The following CCDC141 variants were observed in gnomAD, a reference collection of about 807,000 sequenced individuals.
CCDC141 encodes coiled-coil domain containing 141.
In CCDC141, 168 loss-of-function variants were observed where a neutral mutation model predicts 181.0. That is an observed-to-expected ratio of 0.93 (90% confidence interval 0.82 to 1.05). The LOEUF (loss-of-function observed/expected upper bound fraction) is 1.05, where lower values mean the gene tolerates loss of function less well. Ranked by LOEUF, CCDC141 falls within the 50% of genes least tolerant of loss-of-function variation. CCDC141 has a pLI of 0.00. For missense variants in CCDC141, 1,902 were observed against 1,788.5 expected (o/e 1.06, Z -1.14); for synonymous variants, 666 against 642.3 (o/e 1.04, Z -0.56).
At chr2:178,915,389 T>C (rs954765407) in intron 7 of CCDC141, among the ~76,000 whole-genome samples, 2 of 152,206 alleles carry the variant, frequency 1.3e-5, no homozygotes, top group Non-Finnish European at 2.9e-5. Context: ...AAAAATCATA[T>C]ATTTCACTTT....
At chr2:178,979,374 T>TA (rs1182028570) in intron 2 of CCDC141, among the ~76,000 whole-genome samples, 1 of 151,678 alleles carries the variant, frequency 6.6e-6, no homozygotes, top group Non-Finnish European at 1.5e-5. Context: ...AATATCAACA[T>TA]AAAAAGGAAC....
At position 178,832,472 on chromosome 2, in the gene CCDC141, A is replaced by C. The variant is rs1428532142; in HGVS notation, c.*1701T>G. ...GAGAGCAAGACTCTTTCTCAAAAAA[A>C]AAAAAAAAAAACAAAAAAAACAAAA... On this transcript the variant is annotated 3_prime_UTR_variant, in exon 24 of 24. Transcript: ENST00000443758. 5 of 148,250 alleles carry C rather than the reference A, an allele frequency of 3.4e-5. No individual in the cohort carries two copies. The highest frequency in any genetic ancestry group is 1.0e-4 in the African/African-American group (4 of 39,670). The allele number at this position is 148,250 out of a possible 1,614,324, so 9.2% of individuals were successfully genotyped here. A position where few individuals can be genotyped will look rare whatever the true frequency, so the allele number is the denominator to read the frequency against.
At chr2:179,000,538 C>A (rs897628023) in intron 2 of CCDC141, among the ~76,000 whole-genome samples, 2 of 152,094 alleles carry the variant, frequency 1.3e-5, no homozygotes, top group African/African-American at 4.8e-5. Context: ...TATTATGAGT[C>A]CTTTGTTTTC....
chr2:178,984,341 G>C (rs939904646), intron 2 of CCDC141, among the ~76,000 whole-genome samples: 2,389 of 151,442 alleles, frequency 0.016, 56 homozygotes, highest in African/African-American at 0.055. Context: ...GGAACAACCA[G>C]TACCAGCCGC....
chr2:179,013,581 C>A (rs1457344600), intron 2 of CCDC141, among the ~76,000 whole-genome samples: 2 of 152,030 alleles, frequency 1.3e-5, no homozygotes, highest in Non-Finnish European at 2.9e-5. Flanking sequence ...ATCAAAATAC[C>A]AGCATCATTC....
At chr2:178,863,684 C>T (rs1232907945) in intron 17 of CCDC141, among the ~76,000 whole-genome samples, 2 of 152,046 alleles carry the variant, frequency 1.3e-5, no homozygotes, top group Admixed American at 6.5e-5. Context: ...GGTGTGCACA[C>T]GCACTACATG....
chr2:178,881,256 G>A (rs1251738757), intron 11 of CCDC141, among the ~76,000 whole-genome samples: 1 of 152,176 alleles, frequency 6.6e-6, no homozygotes, highest in Non-Finnish European at 1.5e-5. Context: ...CTGAGGCTGG[G>A]GGTGGGAGCC....
intron 7 of CCDC141, 58 bp downstream of exon 7, chr2:178,918,655 T>C (rs1306615751): frequency 2.0e-5 from 28 of 1,390,704 alleles, no homozygotes; most frequent in Non-Finnish European, 2.4e-5. Context: ...GTTGAAGTAA[T>C]GGGTCTTTTA....
At chr2:179,048,295 T>C (rs1374664827) in intron 1 of CCDC141, among the ~76,000 whole-genome samples, 1 of 152,200 alleles carries the variant, frequency 6.6e-6, no homozygotes, top group Non-Finnish European at 1.5e-5. Flanking sequence ...TTCCATTCCA[T>C]TAAGGTGGAC....
Position 179,020,762 on chromosome 2 carries a change from T to C in CCDC141, c.225+26522A>G, listed in dbSNP as rs147801443. Among the ~76,000 whole-genome samples, 481 of 152,304 alleles carry C rather than the reference T, an allele frequency of 3.2e-3. 4 individuals are homozygous for C. The highest frequency in any genetic ancestry group is 0.011 in the African/African-American group (457 of 41,578). On this transcript the variant is annotated intron_variant, in intron 2 of 23. Coordinates refer to ENST00000443758, the MANE Select transcript of CCDC141 (RefSeq NM_173648.4). ...AGTAAGTATGCATGCATTTATGTAA[T>C]GTTAATTATTCTAATCTAGTTTTAT...
At chr2:178,984,564 G>C (rs1486803773) in intron 2 of CCDC141, among the ~76,000 whole-genome samples, 1 of 150,442 alleles carries the variant, frequency 6.6e-6, no homozygotes, top group Non-Finnish European at 1.5e-5. Context: ...CTGTATTCAG[G>C]AAACCCATCT....
chr2:178,837,631 C>T lies in CCDC141; in HGVS notation c.3588G>A (p.Leu1196=), dbSNP rs376616700. 40 of 1,613,934 alleles carry T rather than the reference C, an allele frequency of 2.5e-5. No homozygotes were observed. Among genetic ancestry groups the T allele is most frequent in the Non-Finnish European group, 3.4e-5 (40 of 1,179,968 alleles). The stretch of plus-strand genomic sequence containing the variant: ...CTTCCCCTGAGAGCATGTCTTCAGG[C>T]AGGAGCAGGTCCTGGACGCCACCCT... ...DKEGGVQDLL[L]PEDMLSGEEY... The change falls in exon 23 of 24, where the codon CTG becomes CTA. Residue 1196 remains leucine, a synonymous_variant. Transcript: ENST00000443758.
chr2:178,862,778 C>T (rs1685677745), intron 17 of CCDC141, among the ~76,000 whole-genome samples: 1 of 152,188 alleles, frequency 6.6e-6, no homozygotes, highest in Non-Finnish European at 1.5e-5. Context: ...CACAAACTAT[C>T]ATTCGTTGTC....
intron 5 of CCDC141, among the ~76,000 whole-genome samples, chr2:178,948,149 C>G (rs560443432): frequency 6.6e-6 from 1 of 151,672 alleles, no homozygotes; most frequent in African/African-American, 2.4e-5. Flanking sequence ...TGCAATGAGC[C>G]AAGATCATGC....
intron 8 of CCDC141, among the ~76,000 whole-genome samples, chr2:178,901,038 G>A (rs1163309391): frequency 1.3e-5 from 2 of 152,114 alleles, no homozygotes; most frequent in Non-Finnish European, 2.9e-5. Flanking sequence ...TGAGAAGACA[G>A]GAACCAGGCT....
At chr2:178,959,312 A>G (rs1690295988) in intron 5 of CCDC141, among the ~76,000 whole-genome samples, 1 of 152,068 alleles carries the variant, frequency 6.6e-6, no homozygotes, top group Non-Finnish European at 1.5e-5. Context: ...AATAAAAATA[A>G]AAAATAAAAC....
chr2:178,947,049 A>T (rs542224638), intron 5 of CCDC141, among the ~76,000 whole-genome samples: 3 of 152,314 alleles, frequency 2.0e-5, no homozygotes, highest in African/African-American at 4.8e-5. Context: ...AGACTCTTCG[A>T]TCAGATTTAC....
intron 20 of CCDC141, among the ~76,000 whole-genome samples, chr2:178,851,700 C>T (rs1342988034): frequency 3.3e-5 from 5 of 152,208 alleles, no homozygotes; most frequent in Admixed American, 3.3e-4. Context: ...TTTGTTACGG[C>T]AGCCCTAGCA....
intron 2 of CCDC141, among the ~76,000 whole-genome samples, chr2:179,038,560 C>T (rs2043207342): frequency 1.3e-5 from 2 of 152,192 alleles, no homozygotes; most frequent in East Asian, 3.9e-4. Flanking sequence ...TAAATGCATT[C>T]TTAGTAAATA....
Sources: gnomAD v4.1 joint callset for allele counts (sites outside exome capture counted in the v4.1 genomes callset) on GRCh38, gnomAD v4.1.1 for gene constraint, MANE v1.5 for transcripts, NCBI Gene and HGNC (gene_info 2026-07-23, HGNC 2026-07-21) for gene names.